Variants in ARHGAP25 observed in about 807,000 individuals in gnomAD.
ARHGAP25 encodes the protein rho GTPase-activating protein 25.
A neutral mutation model predicts 71.0 loss-of-function variants in ARHGAP25; 34 were observed. That is an observed-to-expected ratio of 0.48 (90% CI 0.36 to 0.64). The LOEUF (loss-of-function observed/expected upper bound fraction) is 0.64, where lower values mean the gene tolerates loss of function less well. ARHGAP25 is among the 30% of genes least tolerant of loss of function. The pLI, the probability that ARHGAP25 is intolerant of heterozygous loss-of-function variation, is 0.00. For missense variants in ARHGAP25, 706 were observed against 805.1 expected (o/e 0.88, Z 1.49); for synonymous variants, 282 against 296.5 (o/e 0.95, Z 0.50).
At chr2:68,731,071 C>T (rs1675010303), upstream of ARHGAP25, among the ~76,000 whole-genome samples, 1 of 152,160 alleles carries the variant, frequency 6.6e-6, no homozygotes, top group Non-Finnish European at 1.5e-5. Context: ...CAGCATCCAA[C>T]GCAGGCCTGT....
intron 4 of ARHGAP25, among the ~76,000 whole-genome samples, chr2:68,806,836 C>A (rs1230798324): frequency 1.3e-5 from 2 of 152,194 alleles, no homozygotes; most frequent in East Asian, 3.8e-4. Context: ...GTGGTTAAGG[C>A]ATATTGTTGG....
chr2:68,826,160 T>A lies in ARHGAP25; in HGVS notation c.1907T>A (p.Val636Asp). 1 of 1,614,088 alleles carries A rather than the reference T, an allele frequency of 6.2e-7. No homozygotes were observed. The highest frequency in any genetic ancestry group is 8.5e-7 in the Non-Finnish European group (1 of 1,180,030). The change falls in exon 11 of 11, where the codon GTC becomes GAC. Residue 636 changes from valine (V) to aspartate (D), a missense_variant. Physicochemically the swap from Val to Asp is radical, Grantham distance 152. Coordinates refer to ENST00000409202, the MANE Select transcript of ARHGAP25 (RefSeq NM_001007231.3). The stretch of plus-strand genomic sequence containing the variant: ...TTGGAAGAAGAAGTCAAGGAATTTG[T>A]CAAATCCATGAAGGAACCCAAGACC... ...KALEEEVKEF[V>D]KSMKEPKTEA is the part of the protein sequence containing the mutation.
rs1639480702 is a variant in ARHGAP25 at position 68,787,930 on chromosome 2, G to A, written c.440G>A (p.Arg147Lys). ...AEMEEWVKFL[R>K]RVAGTPCGAV... is the part of the protein sequence containing the mutation. ...ATGGAGGAGTGGGTTAAATTCCTCA[G>A]GAGAGTTGCTGGCACACCCTGTGGA... The change falls in exon 4 of 11, where the codon AGG (arginine) becomes AAG (lysine). Residue 147 changes from arginine to lysine, a missense_variant. Coordinates refer to ENST00000409202, the MANE Select transcript of ARHGAP25 (RefSeq NM_001007231.3). 6.2e-7 allele frequency: 1 copy of A among 1,614,066 alleles called. No homozygotes were observed. The highest frequency in any genetic ancestry group is 1.7e-5 in the Admixed American group (1 of 60,006).
intron 4 of ARHGAP25, among the ~76,000 whole-genome samples, chr2:68,790,923 C>T (rs1558640181): frequency 6.6e-6 from 1 of 152,192 alleles, no homozygotes; most frequent in Non-Finnish European, 1.5e-5. Flanking sequence ...CCGCATTTCC[C>T]TTCTGACCTT....
chr2:68,784,479 T>C (rs1479703808), intron 3 of ARHGAP25, among the ~76,000 whole-genome samples: 2 of 152,268 alleles, frequency 1.3e-5, no homozygotes, highest in African/African-American at 4.8e-5. Context: ...ATAGAAACTT[T>C]TAATTGTAGG....
At chr2:68,797,498 A>G (rs981679983) in intron 4 of ARHGAP25, among the ~76,000 whole-genome samples, 4 of 152,186 alleles carry the variant, frequency 2.6e-5, no homozygotes, top group Non-Finnish European at 5.9e-5. Context: ...CTTAAGGCCA[A>G]GCCTCCACAA....
At chr2:68,807,193 C>T (rs765844016) in intron 4 of ARHGAP25, 80 bp from the exon 5 acceptor site, 7 of 1,402,640 alleles carry the variant, frequency 5.0e-6, no homozygotes, top group East Asian at 4.7e-5. Flanking sequence ...TGTGAAGACA[C>T]AGGTGACACA....
chr2:68,826,810 A>G lies in ARHGAP25; in HGVS notation c.*616A>G, dbSNP rs1172368703. 2 of 153,922 alleles carry G rather than the reference A, an allele frequency of 1.3e-5. No homozygotes were observed. The highest frequency in any genetic ancestry group is 1.3e-4 in the Admixed American group (2 of 15,690). 9.5% of individuals were successfully genotyped at this position (153,922 alleles called of 1,614,324 possible). A position where few individuals can be genotyped will look rare whatever the true frequency, so the allele number is the denominator to read the frequency against. ...AAATTGATGAGAAAATTATATTCAA[A>G]TAAAGCAAAAATTAAAAAAAAAAGG... On this transcript the variant is annotated 3_prime_UTR_variant, in exon 11 of 11. Transcript: ENST00000409202.
intron 1 of ARHGAP25, among the ~76,000 whole-genome samples, chr2:68,762,585 T>A (rs1473914399): frequency 6.6e-6 from 1 of 152,136 alleles, no homozygotes; most frequent in East Asian, 1.9e-4. Flanking sequence ...AGTCACCCCC[T>A]CATGGTTCTC....
intron 9 of ARHGAP25, among the ~76,000 whole-genome samples, chr2:68,820,535 T>C (rs777008657): frequency 3.9e-5 from 6 of 152,242 alleles, no homozygotes; most frequent in Middle Eastern, 3.4e-3. Context: ...TCGAACCTGA[T>C]TGTCTGATTT....
intron 1 of ARHGAP25, among the ~76,000 whole-genome samples, chr2:68,739,579 G>A (rs1012601149): frequency 3.3e-5 from 5 of 152,246 alleles, no homozygotes; most frequent in Non-Finnish European, 1.5e-5. Context: ...AATCTGGCAT[G>A]AAGGTGCACC....
At chr2:68,711,697 T>G (rs928130184) in intron 2 of ARHGAP25, among the ~76,000 whole-genome samples, 3 of 122,802 alleles carry the variant, frequency 2.4e-5, no homozygotes, top group African/African-American at 9.6e-5. Flanking sequence ...GGCCCCAGTG[T>G]GTGATGTTCC....
chr2:68,798,660 GA>G (rs1314188844), intron 4 of ARHGAP25, among the ~76,000 whole-genome samples: 1 of 152,158 alleles, frequency 6.6e-6, no homozygotes, highest in Non-Finnish European at 1.5e-5. Flanking sequence ...ACTATATGAG[GA>G]AAAAATATCT....
intron 1 of ARHGAP25, among the ~76,000 whole-genome samples, chr2:68,765,413 A>G (rs930007943): frequency 3.4e-4 from 52 of 152,192 alleles, no homozygotes; most frequent in African/African-American, 1.2e-3. Flanking sequence ...GCCTAATAAA[A>G]TATTTAAAAA....
intron 1 of ARHGAP25, among the ~76,000 whole-genome samples, chr2:68,762,785 G>A (rs1043387230): frequency 2.0e-5 from 3 of 152,204 alleles, no homozygotes; most frequent in African/African-American, 7.2e-5. Context: ...ATGTCAAGCA[G>A]AGGCTAGTGT....
intron 4 of ARHGAP25, among the ~76,000 whole-genome samples, chr2:68,800,443 C>T (rs981006421): frequency 6.6e-6 from 1 of 151,990 alleles, no homozygotes; most frequent in Non-Finnish European, 1.5e-5. Flanking sequence ...AGGGCAGTTA[C>T]TAGTGTGGTA....
chr2:68,758,651 A>G (rs1051366102), intron 1 of ARHGAP25, among the ~76,000 whole-genome samples: 1 of 151,958 alleles, frequency 6.6e-6, no homozygotes, highest in African/African-American at 2.4e-5. Context: ...AGGCAGTTCT[A>G]TAATAATGTT....
At chr2:68,754,688 A>G (rs998686753) in intron 1 of ARHGAP25, among the ~76,000 whole-genome samples, 1 of 152,202 alleles carries the variant, frequency 6.6e-6, no homozygotes, top group African/African-American at 2.4e-5. Flanking sequence ...GTATCATTTT[A>G]TGTTCCTACT....
At position 68,754,078 on chromosome 2, in the gene ARHGAP25, T is replaced by C. The variant is rs866626723; in HGVS notation, c.61+18818T>C. ...CCACCATGCCCAGCTAATTTTTTTGTATTTTTAGTAGAGACGGGGTTTCAC... is the reference window on the plus strand; with the variant it reads ...CCACCATGCCCAGCTAATTTTTTTGCATTTTTAGTAGAGACGGGGTTTCAC... On this transcript the variant is annotated intron_variant, in intron 1 of 10. Coordinates refer to ENST00000409202, the MANE Select transcript of ARHGAP25 (RefSeq NM_001007231.3). Among the ~76,000 whole-genome samples, 6 of 152,214 alleles carry C rather than the reference T, an allele frequency of 3.9e-5. No individual in the cohort carries two copies. In the South Asian group the frequency reaches 1.0e-3, roughly 26 times the overall value.
Sources: gnomAD v4.1 joint callset for allele counts (sites outside exome capture counted in the v4.1 genomes callset) on GRCh38, gnomAD v4.1.1 for gene constraint, MANE v1.5 for transcripts, NCBI Gene and HGNC (gene_info 2026-07-23, HGNC 2026-07-21) for gene names.